Variants in DLGAP5 observed in about 807,000 individuals in gnomAD.
The protein encoded by DLGAP5 is DLG associated protein 5.
A neutral mutation model predicts 99.6 loss-of-function variants in DLGAP5; 90 were observed. The ratio of observed to expected loss-of-function variants is 0.90; its 90% confidence interval spans 0.76 to 1.08. The LOEUF (loss-of-function observed/expected upper bound fraction) is 1.08. DLGAP5 is among the 50% of genes least tolerant of loss of function. The pLI is 0.00. For missense variants in DLGAP5, 1,036 were observed against 983.5 expected (o/e 1.05, Z -0.71); for synonymous variants, 311 against 321.3 (o/e 0.97, Z 0.34).
chr14:55,162,088 G>A (rs1283984402), intron 13 of DLGAP5, among the ~76,000 whole-genome samples: 1 of 151,752 alleles, frequency 6.6e-6, no homozygotes, highest in Non-Finnish European at 1.5e-5. Context: ...TTTGAAAAGT[G>A]TCCACCCAAA....
chr14:55,188,365 C>A (rs6573008), intron 2 of DLGAP5, among the ~76,000 whole-genome samples: 26,340 of 151,986 alleles, frequency 0.17, 3,432 homozygotes, highest in African/African-American at 0.37. Flanking sequence ...GGTCCCAATC[C>A]TTCTGGGCAA....
chr14:55,177,686 C>A (rs1010745083), intron 7 of DLGAP5, among the ~76,000 whole-genome samples: 2 of 151,584 alleles, frequency 1.3e-5, no homozygotes, highest in African/African-American at 4.8e-5. Flanking sequence ...TACAGACGCC[C>A]GCCACCACGC....
intron 10 of DLGAP5, among the ~76,000 whole-genome samples, chr14:55,173,447 G>A (rs768689226): frequency 6.6e-6 from 1 of 151,968 alleles, no homozygotes; most frequent in Non-Finnish European, 1.5e-5. Flanking sequence ...AGAAAGAAAT[G>A]AAGTCACTCT....
intron 13 of DLGAP5, among the ~76,000 whole-genome samples, chr14:55,159,692 G>C (rs907402819): frequency 5.9e-5 from 9 of 152,268 alleles, no homozygotes; most frequent in African/African-American, 2.2e-4. Flanking sequence ...GGTATATTGA[G>C]TCATGATATA....
chr14:55,166,952 A>T (rs1378595391), intron 12 of DLGAP5, among the ~76,000 whole-genome samples: 7 of 151,498 alleles, frequency 4.6e-5, no homozygotes, highest in Non-Finnish European at 1.0e-4. Context: ...GGAAATGAGC[A>T]TCAGTCAAGA....
At chr14:55,165,588 C>T (rs7154368) in intron 12 of DLGAP5, among the ~76,000 whole-genome samples, 11,832 of 152,000 alleles carry the variant, frequency 0.078, 1,314 homozygotes, top group African/African-American at 0.24. Flanking sequence ...ACTAGGATGG[C>T]TATGCAACAA....
At chr14:55,157,539 T>C (rs1299576088) in intron 14 of DLGAP5, among the ~76,000 whole-genome samples, 2 of 152,132 alleles carry the variant, frequency 1.3e-5, no homozygotes, top group African/African-American at 2.4e-5. Flanking sequence ...TATAAATAAA[T>C]AATTTCAATT....
In DLGAP5 at chr14:55,182,293, C is replaced by G. The variant is rs1251646757; in HGVS notation, c.495+77G>C. On this transcript the variant is annotated intron_variant, in intron 4 of 18. Transcript: ENST00000247191. ...TTAATCATTATGTTTGAATCTGATA[C>G]TAGATTTAAAATGAATTTACTTACT... The G allele has an allele frequency of 2.2e-5, 27 of 1,221,278 alleles. 1 individual carries two copies. In the South Asian group the frequency reaches 2.8e-4, roughly 13 times the overall value. The allele number at this position is 1,221,278 out of a possible 1,614,324, so 75.7% of individuals were successfully genotyped here.
intron 13 of DLGAP5, among the ~76,000 whole-genome samples, chr14:55,161,178 G>C (rs540109546): frequency 1.3e-5 from 2 of 152,062 alleles, no homozygotes; most frequent in African/African-American, 4.8e-5. Context: ...AAGTAGGAGA[G>C]AGACACCTGG....
chr14:55,149,025 A>C (rs1483826142), intron 18 of DLGAP5, among the ~76,000 whole-genome samples: 1 of 152,168 alleles, frequency 6.6e-6, no homozygotes, highest in Non-Finnish European at 1.5e-5. Flanking sequence ...TTCAAGTTCA[A>C]ATTATGCTAC....
At chr14:55,158,874 A>C (rs1882308246) in intron 13 of DLGAP5, 133 bp from the exon 14 acceptor site, 7 of 658,890 alleles carry the variant, frequency 1.1e-5, no homozygotes, top group Admixed American at 6.2e-5. Flanking sequence ...CACATTCATC[A>C]TATATTTATC....
At chr14:55,150,179 C>A (rs975393360) in intron 18 of DLGAP5, 1 of 152,184 alleles carries the variant, frequency 6.6e-6, no homozygotes, top group Non-Finnish European at 1.5e-5. Flanking sequence ...GACAGCTCTA[C>A]CTAATGTGGA....
chr14:55,173,139 T>C (rs1362434980), intron 10 of DLGAP5, among the ~76,000 whole-genome samples: 1 of 150,930 alleles, frequency 6.6e-6, no homozygotes, highest in Non-Finnish European at 1.5e-5. Context: ...CCCAGTGCTC[T>C]AAAAAAGAAA....
chr14:55,160,432 A>G (rs891022941), intron 13 of DLGAP5, among the ~76,000 whole-genome samples: 7 of 151,234 alleles, frequency 4.6e-5, no homozygotes, highest in African/African-American at 1.7e-4. Context: ...AATACTGCAG[A>G]AAGGTTAGAT....
intron 13 of DLGAP5, among the ~76,000 whole-genome samples, chr14:55,159,953 C>T (rs915953714): frequency 3.3e-5 from 5 of 152,066 alleles, no homozygotes; most frequent in South Asian, 2.1e-4. Context: ...CTGTAATCCC[C>T]GCACTTTGGG....
intron 12 of DLGAP5, among the ~76,000 whole-genome samples, chr14:55,165,385 T>C (rs1047197142): frequency 6.6e-6 from 1 of 152,022 alleles, no homozygotes; most frequent in African/African-American, 2.4e-5. Context: ...TAGCCAGTCG[T>C]GGTGGCACAT....
At position 55,170,161 on chromosome 14, in the gene DLGAP5, A is replaced by T. The variant is rs76346463; in HGVS notation, c.1387+541T>A. Among the ~76,000 whole-genome samples, 1,316 of 144,988 alleles carry T rather than the reference A, an allele frequency of 9.1e-3. 9 individuals carry two copies. Among genetic ancestry groups the T allele is most frequent in the African/African-American group, 0.022 (871 of 39,210 alleles). On this transcript the variant is annotated intron_variant, in intron 11 of 18. Transcript: ENST00000247191. ...AAATAATAATAATAATAAATAAATT[A>T]AAAAAAAAAAACTCAACGTCAAACA...
intron 13 of DLGAP5, among the ~76,000 whole-genome samples, chr14:55,160,054 A>C (rs886846498): frequency 2.0e-5 from 3 of 152,060 alleles, no homozygotes; most frequent in African/African-American, 7.2e-5. Context: ...AATACAAAAA[A>C]TTAGCTGGGC....
chr14:55,163,071 T>A lies in DLGAP5; in HGVS notation c.1553A>T (p.Glu518Val). 5 of 1,585,816 alleles carry A rather than the reference T, an allele frequency of 3.2e-6. No individual in the cohort carries two copies. The highest frequency in any genetic ancestry group is 4.3e-6 in the Non-Finnish European group (5 of 1,164,702). ...ATTGTTGAATTTGTGGATTACATCT[T>A]CTATCTGTTAATAAAGCACAAGTTT... ...GFWDMVSFQI[E>V]DVIHKFNNLI... Residue 518 changes from glutamate to valine, a missense_variant, in exon 13 of 19, where the codon GAA becomes GTA. Physicochemically the swap from Glu to Val is moderately radical, Grantham distance 121. Coordinates refer to ENST00000247191, the MANE Select transcript of DLGAP5 (RefSeq NM_014750.5).
Sources: gnomAD v4.1 joint callset for allele counts (sites outside exome capture counted in the v4.1 genomes callset) on GRCh38, gnomAD v4.1.1 for gene constraint, MANE v1.5 for transcripts, NCBI Gene and HGNC (gene_info 2026-07-23, HGNC 2026-07-21) for gene names.